The following TRIM44 variants were observed in gnomAD, a reference collection of about 807,000 sequenced individuals.
The protein encoded by TRIM44 is tripartite motif-containing protein 44.
Under a neutral mutation model 37.4 loss-of-function variants are expected in TRIM44, and 13 were observed. The observed-to-expected ratio is 0.35, with a 90% CI of 0.23 to 0.55. The LOEUF is 0.55. Among genes scored for constraint, TRIM44 ranks in the 20% least tolerant of loss-of-function variants. TRIM44 has a pLI of 0.89. For synonymous variants in TRIM44, 175 were observed against 157.2 expected, an observed-to-expected ratio of 1.11 and a Z score of -0.85; for missense variants, 426 against 437.2, an observed-to-expected ratio of 0.97 and a Z score of 0.23.
At chr11:35,687,215 G>A (rs1168821111) in intron 2 of TRIM44, among the ~76,000 whole-genome samples, 4 of 152,198 alleles carry the variant, frequency 2.6e-5, no homozygotes, top group African/African-American at 9.6e-5. Flanking sequence ...AACACAATAT[G>A]TGGCAGAGCC....
intron 4 of TRIM44, among the ~76,000 whole-genome samples, chr11:35,742,505 A>T (rs1330644821): frequency 7.7e-6 from 1 of 130,148 alleles, no homozygotes; most frequent in Non-Finnish European, 1.6e-5. Context: ...TAATTATATT[A>T]AATATAATTA....
chr11:35,687,086 T>C (rs973891437), intron 2 of TRIM44, among the ~76,000 whole-genome samples: 2 of 152,254 alleles, frequency 1.3e-5, no homozygotes, highest in Non-Finnish European at 2.9e-5. Context: ...AATATAGATG[T>C]GGAATTCAAA....
At chr11:35,723,713 T>G (rs1481009492) in intron 2 of TRIM44, among the ~76,000 whole-genome samples, 1 of 152,208 alleles carries the variant, frequency 6.6e-6, no homozygotes, top group Non-Finnish European at 1.5e-5. Context: ...ACCACATGTG[T>G]ATGTGAAGTC....
In TRIM44 at chr11:35,815,122, C is replaced by T. The variant is rs1853567549; in HGVS notation, c.*8737C>T. 2 of 152,140 alleles carry T rather than the reference C, an allele frequency of 1.3e-5. No individual in the cohort carries two copies. The highest frequency in any genetic ancestry group is 1.3e-4 in the Admixed American group (2 of 15,258). The allele number at this position is 152,140 out of a possible 1,614,324, so 9.4% of individuals were successfully genotyped here. On this transcript the variant is annotated 3_prime_UTR_variant, in exon 5 of 5. Transcript: ENST00000299413. ...AGTGTAGTTAAACATTTATATGTCC[C>T]AGGCCAGGAGATCAAATTAAGAGGA...
chr11:35,716,835 C>T (rs1239090510), intron 2 of TRIM44, among the ~76,000 whole-genome samples: 4 of 152,268 alleles, frequency 2.6e-5, no homozygotes, highest in South Asian at 2.1e-4. Context: ...AAATCTGCTA[C>T]GTACTGTATG....
At chr11:35,793,440 G>A (rs1055972224) in intron 4 of TRIM44, among the ~76,000 whole-genome samples, 5 of 152,088 alleles carry the variant, frequency 3.3e-5, no homozygotes, top group East Asian at 1.9e-4. Context: ...CAGGAGAGTC[G>A]CTTGAACCCA....
intron 4 of TRIM44, among the ~76,000 whole-genome samples, chr11:35,750,430 C>T (rs1852545988): frequency 6.6e-6 from 1 of 152,216 alleles, no homozygotes; most frequent in African/African-American, 2.4e-5. Context: ...TTTTAGCTCT[C>T]AGTTTGCTCT....
At chr11:35,797,252 T>C (rs1368401282) in intron 4 of TRIM44, among the ~76,000 whole-genome samples, 1 of 152,172 alleles carries the variant, frequency 6.6e-6, no homozygotes. Flanking sequence ...AATAGTAATA[T>C]TGGATTATAA....
At chr11:35,717,520 C>T (rs1422128451) in intron 2 of TRIM44, among the ~76,000 whole-genome samples, 1 of 152,144 alleles carries the variant, frequency 6.6e-6, no homozygotes, top group Non-Finnish European at 1.5e-5. Context: ...CCCCAGTCCT[C>T]AAATTTTCAA....
chr11:35,726,236 A>T, intron 3 of TRIM44, 73 bp downstream of exon 3: 1 of 1,569,566 alleles, frequency 6.4e-7, no homozygotes, highest in Non-Finnish European at 8.6e-7. Flanking sequence ...GTTAGACCCC[A>T]TGTGGTCCCT....
intron 1 of TRIM44, among the ~76,000 whole-genome samples, chr11:35,674,425 C>T (rs904581753): frequency 6.6e-5 from 10 of 151,960 alleles, no homozygotes; most frequent in African/African-American, 2.4e-4. Context: ...CCAAATATAC[C>T]AAAGGCTCAA....
At chr11:35,676,762 C>T (rs1336403391) in intron 1 of TRIM44, among the ~76,000 whole-genome samples, 1 of 152,118 alleles carries the variant, frequency 6.6e-6, no homozygotes, top group East Asian at 1.9e-4. Context: ...TGTGTGTGAA[C>T]CCTGGCAGGC....
intron 4 of TRIM44, among the ~76,000 whole-genome samples, chr11:35,774,821 G>A (rs1304369864): frequency 2.0e-5 from 3 of 152,108 alleles, no homozygotes; most frequent in African/African-American, 4.8e-5. Flanking sequence ...TGTTCCATTG[G>A]TCTATATCTC....
chr11:35,726,761 T>G (rs1852180504), intron 3 of TRIM44, among the ~76,000 whole-genome samples: 1 of 152,098 alleles, frequency 6.6e-6, no homozygotes, highest in Non-Finnish European at 1.5e-5. Flanking sequence ...GTCATATTCA[T>G]TGTTATTTTT....
At position 35,808,173 on chromosome 11, in the gene TRIM44, C is replaced by T. The variant is rs1853478839; in HGVS notation, c.*1788C>T. Reference sequence around the variant, plus strand: ...GGATTGTCCTGACTCACTAAAGATGCCAGGATATTGGGGCTGAGGGGAGTT... The same window carrying T: ...GGATTGTCCTGACTCACTAAAGATGTCAGGATATTGGGGCTGAGGGGAGTT... On this transcript the variant is annotated 3_prime_UTR_variant, in exon 5 of 5. Transcript: ENST00000299413. 1 of 126,946 alleles carries T rather than the reference C, an allele frequency of 7.9e-6. No individual in the cohort carries two copies. The highest frequency in any genetic ancestry group is 1.6e-5 in the Non-Finnish European group (1 of 63,458). The allele number at this position is 126,946 out of a possible 1,614,324, so 7.9% of individuals were successfully genotyped here.
At chr11:35,697,794 T>C (rs1233788428) in intron 2 of TRIM44, among the ~76,000 whole-genome samples, 1 of 152,168 alleles carries the variant, frequency 6.6e-6, no homozygotes, top group Non-Finnish European at 1.5e-5. Context: ...CATCATTTTT[T>C]ATGGCTGCAT....
intron 4 of TRIM44, among the ~76,000 whole-genome samples, chr11:35,742,287 G>T (rs1008017742): frequency 6.6e-6 from 1 of 150,390 alleles, no homozygotes; most frequent in Non-Finnish European, 1.5e-5. Flanking sequence ...TAATTATTAT[G>T]ATAAATTATA....
intron 4 of TRIM44, among the ~76,000 whole-genome samples, chr11:35,802,443 A>G (rs1402354682): frequency 6.6e-6 from 1 of 152,214 alleles, no homozygotes; most frequent in East Asian, 1.9e-4. Context: ...TGATCTGTAA[A>G]GTGGGAGTGG....
chr11:35,734,741 A>T (rs1255075821), intron 3 of TRIM44, among the ~76,000 whole-genome samples: 1 of 152,212 alleles, frequency 6.6e-6, no homozygotes, highest in Non-Finnish European at 1.5e-5. Flanking sequence ...ACCTGGAAAA[A>T]TAATGTTAAC....
Sources: allele counts gnomAD v4.1 joint callset (sites outside exome capture counted in the v4.1 genomes callset), GRCh38; gene constraint gnomAD v4.1.1; transcripts MANE v1.5; gene names NCBI Gene and HGNC (gene_info 2026-07-23, HGNC 2026-07-21).